Variants in HHAT observed in about 807,000 individuals in gnomAD.
HHAT encodes the protein protein-cysteine N-palmitoyltransferase HHAT.
HHAT carries 47 observed loss-of-function variants against 70.8 expected under a neutral mutation model. The observed-to-expected ratio is 0.66, with a 90% CI of 0.53 to 0.85. The LOEUF (loss-of-function observed/expected upper bound fraction) is 0.85, where lower values mean the gene tolerates loss of function less well. Among genes scored for constraint, HHAT ranks in the 40% least tolerant of loss-of-function variants. The pLI is 0.00. For missense variants in HHAT, 609 were observed against 604.8 expected, an observed-to-expected ratio of 1.01 and a Z score of -0.07; for synonymous variants, 228 against 247.6, an observed-to-expected ratio of 0.92 and a Z score of 0.74.
At chr1:210,421,348 T>A (rs1235926908) in intron 7 of HHAT, among the ~76,000 whole-genome samples, 1 of 152,078 alleles carries the variant, frequency 6.6e-6, no homozygotes, top group East Asian at 1.9e-4. Flanking sequence ...ATTTTGAAAA[T>A]CTGGTGGGTG....
intron 7 of HHAT, among the ~76,000 whole-genome samples, chr1:210,423,506 A>G (rs184021692): frequency 3.7e-4 from 56 of 152,230 alleles, no homozygotes; most frequent in African/African-American, 1.3e-3. Context: ...CCTATTCTGT[A>G]AGTTGTCTTT....
chr1:210,519,022 GA>G, intron 9 of HHAT, among the ~76,000 whole-genome samples: 1 of 152,310 alleles, frequency 6.6e-6, no homozygotes, highest in East Asian at 1.9e-4. Context: ...AGAGTCTTGG[GA>G]GGTCATTTCA....
chr1:210,540,444 TAC>T (rs5780588), intron 9 of HHAT, among the ~76,000 whole-genome samples: 34,007 of 148,166 alleles, frequency 0.23, 4,452 homozygotes, highest in Middle Eastern at 0.33. Context: ...TTTTCCCTCT[TAC>T]ACACACACAC....
chr1:210,408,860 T>C (rs1279136122), intron 6 of HHAT, among the ~76,000 whole-genome samples: 1 of 152,200 alleles, frequency 6.6e-6, no homozygotes, highest in Non-Finnish European at 1.5e-5. Flanking sequence ...CCAGGCTTTA[T>C]ACGTTCTAAC....
chr1:210,621,304 T>G (rs1294694365), intron 10 of HHAT, among the ~76,000 whole-genome samples: 1 of 152,124 alleles, frequency 6.6e-6, no homozygotes, highest in Non-Finnish European at 1.5e-5. Context: ...TCTCAGGATG[T>G]GAGGCTGGGG....
chr1:210,406,379 A>T (rs1377081527), intron 6 of HHAT, among the ~76,000 whole-genome samples: 1 of 149,036 alleles, frequency 6.7e-6, no homozygotes, highest in Non-Finnish European at 1.5e-5. Flanking sequence ...TGTTTCTGTT[A>T]TTTCTCATCT....
At chr1:210,477,209 C>G (rs1303581442) in intron 8 of HHAT, among the ~76,000 whole-genome samples, 2 of 152,142 alleles carry the variant, frequency 1.3e-5, no homozygotes, top group African/African-American at 4.8e-5. Context: ...GGAAGCTCGA[C>G]TTACAGGTGC....
At chr1:210,513,929 A>G (rs2095005683) in intron 9 of HHAT, among the ~76,000 whole-genome samples, 1 of 152,226 alleles carries the variant, frequency 6.6e-6, no homozygotes, top group African/African-American at 2.4e-5. Flanking sequence ...ACCAGAAATT[A>G]TGTAGAGCGA....
chr1:210,448,619 A>AG (rs2093684244), intron 7 of HHAT, among the ~76,000 whole-genome samples: 1 of 152,192 alleles, frequency 6.6e-6, no homozygotes, highest in African/African-American at 2.4e-5. Flanking sequence ...TAGACCAGAG[A>AG]GAGAGAGTCT....
chr1:210,338,474 TAAA>T lies in HHAT; in HGVS notation c.-44+9374_-44+9376del, dbSNP rs141159424. ...TTTGAACGAGTATTATTGGAAAGAA[TAAA>T]AAAGCCTTTTTAAGCATACTCAATA... On this transcript the variant is annotated intron_variant, in intron 1 of 11. Transcript: ENST00000261458. Among the ~76,000 whole-genome samples the T allele has an allele frequency of 5.6e-3, 858 of 152,268 alleles. 11 individuals are homozygous for T. The highest frequency in any genetic ancestry group is 0.02 in the African/African-American group (830 of 41,554).
At chr1:210,535,512 C>T (rs1264840878) in intron 9 of HHAT, among the ~76,000 whole-genome samples, 1 of 151,370 alleles carries the variant, frequency 6.6e-6, no homozygotes, top group Admixed American at 6.6e-5. Context: ...TGGACATTGG[C>T]TAGAATCCCT....
intron 1 of HHAT, among the ~76,000 whole-genome samples, chr1:210,342,068 T>C (rs2086084994): frequency 2.0e-5 from 3 of 152,242 alleles, no homozygotes; most frequent in African/African-American, 7.2e-5. Flanking sequence ...CATCTTCCTC[T>C]TTTTTCCCCC....
At chr1:210,431,273 C>T (rs1572391672) in intron 7 of HHAT, among the ~76,000 whole-genome samples, 2 of 151,748 alleles carry the variant, frequency 1.3e-5, no homozygotes, top group African/African-American at 4.9e-5. Context: ...ACTCTAACCT[C>T]CTATGTGTAT....
Position 210,500,495 on chromosome 1 carries a change from G to C in HHAT, c.1008-12658G>C, listed in dbSNP as rs147606829. Among the ~76,000 whole-genome samples the C allele has an allele frequency of 1.8e-3, 281 of 152,158 alleles. 10 individuals carry two copies. In the East Asian group the frequency reaches 0.046, roughly 25 times the overall value. Reference sequence around the variant, plus strand: ...ATTTCTTTTGTTTCCTGAAGCTCTGGGTATCTTGGGTGCAGTTTACTCTAT... The same window carrying C: ...ATTTCTTTTGTTTCCTGAAGCTCTGCGTATCTTGGGTGCAGTTTACTCTAT... On this transcript the variant is annotated intron_variant, in intron 8 of 11. Coordinates refer to ENST00000261458, the MANE Select transcript of HHAT (RefSeq NM_018194.6).
At chr1:210,602,977 A>G (rs1664615149) in intron 10 of HHAT, among the ~76,000 whole-genome samples, 1 of 152,170 alleles carries the variant, frequency 6.6e-6, no homozygotes, top group Admixed American at 6.5e-5. Flanking sequence ...TGGCGAAAGC[A>G]TTTTCAAGGG....
intron 9 of HHAT, among the ~76,000 whole-genome samples, chr1:210,520,811 C>G (rs1000702434): frequency 6.6e-6 from 1 of 152,098 alleles, no homozygotes; most frequent in Non-Finnish European, 1.5e-5. Flanking sequence ...GAATAAGAAT[C>G]TAGCTTTTAA....
chr1:210,480,723 G>C (rs1212441429), intron 8 of HHAT, among the ~76,000 whole-genome samples: 1 of 152,134 alleles, frequency 6.6e-6, no homozygotes, highest in East Asian at 1.9e-4. Flanking sequence ...GGTAAACTTT[G>C]TTCCCCATCC....
intron 10 of HHAT, among the ~76,000 whole-genome samples, chr1:210,610,068 A>G (rs1666275975): frequency 6.6e-6 from 1 of 152,188 alleles, no homozygotes; most frequent in Middle Eastern, 3.2e-3. Context: ...TTCTGCTTCT[A>G]GGTCTTTGAG....
chr1:210,673,106 C>A (rs1680412947), intron 11 of HHAT, among the ~76,000 whole-genome samples: 1 of 151,978 alleles, frequency 6.6e-6, no homozygotes, highest in South Asian at 2.1e-4. Context: ...GTTGTGATGC[C>A]CCAATCAAAT....
Sources: allele counts gnomAD v4.1 joint callset (sites outside exome capture counted in the v4.1 genomes callset), GRCh38; gene constraint gnomAD v4.1.1; transcripts MANE v1.5; gene names NCBI Gene and HGNC (gene_info 2026-07-23, HGNC 2026-07-21).